ESR1: variants seen among roughly 807,000 people sequenced by gnomAD.
The protein encoded by ESR1 is estrogen receptor 1.
Under a neutral mutation model 52.7 loss-of-function variants are expected in ESR1, and 12 were observed. The ratio of observed to expected loss-of-function variants is 0.23; its 90% CI spans 0.15 to 0.37. The LOEUF is 0.37. Among genes scored for constraint, ESR1 ranks in the 10% least tolerant of loss-of-function variants. ESR1 has a pLI of 1.00. For synonymous variants in ESR1, 305 were observed against 316.8 expected (o/e 0.96, Z 0.39); for missense variants, 584 against 779.7 (o/e 0.75, Z 2.99).
At position 151,768,234 on chromosome 6, in the gene ESR1, G is replaced by T. The variant is rs149977250; in HGVS notation, c.-70-39609G>T. Among the ~76,000 whole-genome samples the T allele has an allele frequency of 1.6e-3, 241 of 152,274 alleles. 3 individuals are homozygous for T. Among genetic ancestry groups the T allele is most frequent in the Non-Finnish European group, 4.1e-4 (28 of 68,024 alleles). On this transcript the variant is annotated intron_variant, in intron 2 of 2. Coordinates refer to the ESR1 transcript ENST00000404742. Reference sequence around the variant, plus strand: ...AGTGATCAAAGGTGACATCAGTAGTGGGACACATTAACATCATGTGCTTCT... The same window carrying T: ...AGTGATCAAAGGTGACATCAGTAGTTGGACACATTAACATCATGTGCTTCT...
chr6:152,115,900 G>A (rs1260425958), intron 6 of ESR1, among the ~76,000 whole-genome samples: 2 of 152,102 alleles, frequency 1.3e-5, no homozygotes, highest in South Asian at 2.1e-4. Flanking sequence ...CCTGGGAATC[G>A]CCTGGGGACC....
intron 4 of ESR1, among the ~76,000 whole-genome samples, chr6:151,976,652 A>G (rs2039464058): frequency 6.6e-6 from 1 of 152,152 alleles, no homozygotes. Flanking sequence ...TATTTGTCCT[A>G]TTTAGACAAA....
chr6:152,052,260 CG>C (rs2046745717), intron 5 of ESR1, among the ~76,000 whole-genome samples: 1 of 152,098 alleles, frequency 6.6e-6, no homozygotes. Context: ...GGATCCACCC[CG>C]AACACCTCCC....
At chr6:151,673,161 T>C (rs1274640941) in intron 1 of ESR1, among the ~76,000 whole-genome samples, 5 of 152,082 alleles carry the variant, frequency 3.3e-5, no homozygotes, top group Admixed American at 3.3e-4. Flanking sequence ...GATGGATAGA[T>C]GAAAAAAATT....
At chr6:151,681,863 C>T in intron 1 of ESR1, among the ~76,000 whole-genome samples, 1 of 152,088 alleles carries the variant, frequency 6.6e-6, no homozygotes, top group Non-Finnish European at 1.5e-5. Context: ...CAAGGCCCCA[C>T]CTGCGACAGT....
chr6:151,682,789 AATGTTTGGAT>A (rs1778508662), intron 1 of ESR1, among the ~76,000 whole-genome samples: 2 of 152,302 alleles, frequency 1.3e-5, no homozygotes, highest in African/African-American at 4.8e-5. Flanking sequence ...TATGTACCTA[AATGTTTGGAT>A]ATGATTTCAG....
intron 2 of ESR1, among the ~76,000 whole-genome samples, chr6:151,744,834 A>G (rs1485758736): frequency 1.3e-5 from 2 of 152,212 alleles, no homozygotes; most frequent in Non-Finnish European, 2.9e-5. Context: ...TAAGAGTTTT[A>G]TAGTTTCAGC....
At chr6:152,052,229 T>G (rs1283740308) in intron 5 of ESR1, among the ~76,000 whole-genome samples, 1 of 152,154 alleles carries the variant, frequency 6.6e-6, no homozygotes, top group Non-Finnish European at 1.5e-5. Context: ...TACGGTAGGA[T>G]GGCACCAAAA....
At chr6:151,729,916 C>T (rs558494380) in intron 2 of ESR1, among the ~76,000 whole-genome samples, 3 of 152,000 alleles carry the variant, frequency 2.0e-5, no homozygotes, top group East Asian at 3.9e-4. Context: ...AGTGAGACTT[C>T]GTCTGTACAG....
chr6:151,826,719 C>A (rs1179499916), intron 1 of ESR1, among the ~76,000 whole-genome samples: 2 of 152,134 alleles, frequency 1.3e-5, no homozygotes, highest in African/African-American at 2.4e-5. Flanking sequence ...GGGTGGCTGA[C>A]CCACGTTGCT....
chr6:151,704,536 T>G (rs1780038807), intron 2 of ESR1, among the ~76,000 whole-genome samples: 1 of 152,222 alleles, frequency 6.6e-6, no homozygotes, highest in African/African-American at 2.4e-5. Context: ...ATTACAGGCG[T>G]GAGCCAACGC....
At chr6:152,045,382 C>T (rs1228806341) in intron 5 of ESR1, among the ~76,000 whole-genome samples, 1 of 152,164 alleles carries the variant, frequency 6.6e-6, no homozygotes, top group African/African-American at 2.4e-5. Flanking sequence ...TGAGAATCAA[C>T]CAGGGCATGG....
intron 1 of ESR1, among the ~76,000 whole-genome samples, chr6:151,680,062 C>A (rs979781735): frequency 1.3e-5 from 2 of 152,144 alleles, no homozygotes; most frequent in African/African-American, 4.8e-5. Flanking sequence ...CAACAGATAC[C>A]ATAAACTGGG....
At chr6:152,022,620 G>GT (rs2043763251) in intron 5 of ESR1, among the ~76,000 whole-genome samples, 1 of 152,092 alleles carries the variant, frequency 6.6e-6, no homozygotes, top group Non-Finnish European at 1.5e-5. Flanking sequence ...GGTTAAGGCA[G>GT]TTTTTTGAGA....
chr6:151,840,339 T>C (rs1330821389), intron 1 of ESR1, among the ~76,000 whole-genome samples: 6 of 152,066 alleles, frequency 3.9e-5, no homozygotes. Context: ...GGTGGTGAAA[T>C]GGAAAGAGAT....
chr6:152,099,741 T>G lies in ESR1; in HGVS notation c.*775T>G. ...AGTTGATCTTAGTTAAGTCTCCCTA[T>G]ATGAGGGATAAGTTCCTGATTTTTG... On this transcript the variant is annotated 3_prime_UTR_variant, in exon 8 of 8. Transcript: ENST00000206249. 6.1e-6 allele frequency: 2 copies of G among 329,184 alleles called. No homozygotes were observed. The allele number at this position is 329,184 out of a possible 1,614,324, so 20.4% of individuals were successfully genotyped here. A position where few individuals can be genotyped will look rare whatever the true frequency, so the allele number is the denominator to read the frequency against.
At chr6:152,073,224 G>A (rs926213706) in intron 6 of ESR1, among the ~76,000 whole-genome samples, 2 of 152,304 alleles carry the variant, frequency 1.3e-5, no homozygotes, top group Middle Eastern at 6.8e-3. Context: ...TACCCATACA[G>A]CAAACTCCTT....
At chr6:151,672,299 T>C (rs559357709) in intron 1 of ESR1, among the ~76,000 whole-genome samples, 2 of 151,754 alleles carry the variant, frequency 1.3e-5, no homozygotes, top group Non-Finnish European at 2.9e-5. Flanking sequence ...GAGGGGACTA[T>C]AGGCACACAC....
At chr6:152,016,820 C>A (rs776908756) in intron 5 of ESR1, among the ~76,000 whole-genome samples, 1 of 152,120 alleles carries the variant, frequency 6.6e-6, no homozygotes, top group African/African-American at 2.4e-5. Flanking sequence ...TCTCATATCT[C>A]AGGCATTGTG....
Sources: allele counts gnomAD v4.1 joint callset (sites outside exome capture counted in the v4.1 genomes callset), GRCh38; gene constraint gnomAD v4.1.1; transcripts MANE v1.5; gene names NCBI Gene and HGNC (gene_info 2026-07-23, HGNC 2026-07-21).